ZNF493: variants seen among roughly 807,000 people sequenced by gnomAD.
ZNF493 encodes the protein zinc finger protein 493.
In ZNF493, 11 loss-of-function variants were observed where a neutral mutation model predicts 12.2. The observed-to-expected ratio is 0.90, with a 90% CI of 0.57 to 1.50. The LOEUF is 1.50. Ranked by LOEUF, ZNF493 falls within the 40% of genes most tolerant of loss-of-function variation. The probability of loss-of-function intolerance (pLI) is 0.00; values close to 1 mark genes in which losing one functional copy is unlikely to be tolerated. For synonymous variants in ZNF493, 286 were observed against 302.6 expected (o/e 0.95, Z 0.57); for missense variants, 950 against 906.6 (o/e 1.05, Z -0.61).
chr19:21,411,490 C>T (rs934160547), intron 3 of ZNF493, among the ~76,000 whole-genome samples: 5 of 151,998 alleles, frequency 3.3e-5, no homozygotes, highest in Non-Finnish European at 5.9e-5. Flanking sequence ...GAGGCTGAGG[C>T]GAGCAGATTG....
chr19:21,402,737 A>G (rs1322471455), intron 1 of ZNF493, among the ~76,000 whole-genome samples: 2 of 152,172 alleles, frequency 1.3e-5, no homozygotes, highest in Admixed American at 6.5e-5. Context: ...TTGTTTAGTG[A>G]CCTGCTACAG....
At position 21,425,746 on chromosome 19, in the gene ZNF493, A is replaced by G. The variant is rs2030839508; in HGVS notation, c.*762A>G. Reference sequence around the variant, plus strand: ...CAATTTTCAAACCTTACTAAACATAAGATAACTCATACTGGAGAAAAATCT... The same window carrying G: ...CAATTTTCAAACCTTACTAAACATAGGATAACTCATACTGGAGAAAAATCT... On this transcript the variant is annotated 3_prime_UTR_variant, in exon 4 of 4. Coordinates refer to ENST00000392288, the MANE Select transcript of ZNF493 (RefSeq NM_001076678.3). 1.6e-6 allele frequency: 1 copy of G among 618,856 alleles called. No individual in the cohort carries two copies. The highest frequency in any genetic ancestry group is 3.0e-6 in the Non-Finnish European group (1 of 334,918). The allele number at this position is 618,856 out of a possible 1,614,324, so 38.3% of individuals were successfully genotyped here.
At chr19:21,421,345 ATTG>A (rs1190668038) in intron 3 of ZNF493, among the ~76,000 whole-genome samples, 6 of 151,118 alleles carry the variant, frequency 4.0e-5, no homozygotes, top group Non-Finnish European at 1.5e-5. Context: ...TTCATTTTTT[ATTG>A]TTTCTTCCTC....
rs779509208 is a variant in ZNF493, at chr19:21,423,312, C to G, written c.653C>G (p.Ala218Gly). 6.2e-7 allele frequency: 1 copy of G among 1,613,826 alleles called. No homozygotes were observed. The highest frequency in any genetic ancestry group is 8.5e-7 in the Non-Finnish European group (1 of 1,179,876). ...NSYRCEECGK[A>G]FIWFSTLTRH... ...TACCGATGTGAAGAATGTGGCAAAG[C>G]CTTTATCTGGTTTTCAACCCTTACT... The change falls in exon 4 of 4, where the codon GCC becomes GGC. Residue 218 changes from alanine (A) to glycine (G), a missense_variant. Transcript: ENST00000392288.
At chr19:21,408,212 G>A in intron 3 of ZNF493, 1 of 854,206 alleles carries the variant, frequency 1.2e-6, no homozygotes, top group African/African-American at 2.1e-5. Flanking sequence ...CAAAACTTTT[G>A]CCTCCCTAGT....
chr19:21,410,502 C>T (rs983764935), intron 3 of ZNF493, among the ~76,000 whole-genome samples: 2 of 151,894 alleles, frequency 1.3e-5, no homozygotes, highest in African/African-American at 4.8e-5. Context: ...ATATGTGTAT[C>T]TTTTCTGATG....
Position 21,425,831 on chromosome 19 carries a change from T to C in ZNF493, c.*847T>C, listed in dbSNP as rs1212241902. The C allele has an allele frequency of 1.8e-6, 1 of 561,180 alleles. No individual in the cohort carries two copies. Among genetic ancestry groups the C allele is most frequent in the African/African-American group, 1.9e-5 (1 of 52,208 alleles). 34.8% of individuals were successfully genotyped at this position (561,180 alleles called of 1,614,324 possible). A position where few individuals can be genotyped will look rare whatever the true frequency, so the allele number is the denominator to read the frequency against. ...AGTCCTCAACTCCTAGTAAACATAA[T>C]TAATGATGGAGAGAAACCATACAAC... On this transcript the variant is annotated 3_prime_UTR_variant, in exon 4 of 4. Coordinates refer to ENST00000392288, the MANE Select transcript of ZNF493 (RefSeq NM_001076678.3).
intron 3 of ZNF493, among the ~76,000 whole-genome samples, chr19:21,417,978 GTAGC>G (rs1568381682): frequency 3.3e-5 from 5 of 152,318 alleles, no homozygotes; most frequent in African/African-American, 1.2e-4. Context: ...AGGCTCAAAT[GTAGC>G]TATAATATTT....
chr19:21,425,012 C>T lies in ZNF493; in HGVS notation c.*28C>T, dbSNP rs966301500. ...AATGTGGCAAAGGCCTTTACTGCTC[C>T]TATTCCCTTACTAAAGAATGTGGCA... is the stretch of plus-strand genomic sequence containing the variant. On this transcript the variant is annotated 3_prime_UTR_variant, in exon 4 of 4. Coordinates refer to ENST00000392288, the MANE Select transcript of ZNF493 (RefSeq NM_001076678.3). The T allele has an allele frequency of 6.4e-7, 1 of 1,570,156 alleles. No individual in the cohort carries two copies. The highest frequency in any genetic ancestry group is 8.6e-7 in the Non-Finnish European group (1 of 1,161,540).
Position 21,423,588 on chromosome 19 carries a change from G to T in ZNF493, c.929G>T (p.Gly310Val), listed in dbSNP as rs112511886. 1 of 1,612,540 alleles carries T rather than the reference G, an allele frequency of 6.2e-7. No individual in the cohort carries two copies. The highest frequency in any genetic ancestry group is 8.5e-7 in the Non-Finnish European group (1 of 1,179,550). ...KTFNQSSTLT[G>V]HKIIHNGEKP... ...TTTAACCAATCTTCAACCCTTACTG[G>T]ACATAAGATAATTCATAATGGAGAA... is the stretch of plus-strand genomic sequence containing the variant. Residue 310 changes from glycine (G) to valine (V), a missense_variant, in exon 4 of 4, where the codon GGA becomes GTA. Gly to Val is a moderately radical substitution (Grantham distance 109). Transcript: ENST00000392288.
In ZNF493 at chr19:21,408,978, G is replaced by A. The variant is rs184288771; in HGVS notation, c.253+3122G>A. 1.9e-4 allele frequency among the ~76,000 whole-genome samples: 28 copies of A among 150,718 alleles called. No homozygotes were observed. The East Asian group carries it at 4.1e-3, about 22-fold the overall frequency. On this transcript the variant is annotated intron_variant, in intron 3 of 3. Coordinates refer to ENST00000392288, the MANE Select transcript of ZNF493 (RefSeq NM_001076678.3). The stretch of plus-strand genomic sequence containing the variant: ...CGGCTCACTGCAACCTCCTCCTCCC[G>A]GGTTCACGTCATTCTCCTGCCTCAG...
At position 21,425,935 on chromosome 19, in the gene ZNF493, C is replaced by T. The variant is rs918325469; in HGVS notation, c.*951C>T. 7 of 686,782 alleles carry T rather than the reference C, an allele frequency of 1.0e-5. No individual in the cohort carries two copies. Among genetic ancestry groups the T allele is most frequent in the South Asian group, 9.5e-5 (7 of 73,668 alleles). 42.5% of individuals were successfully genotyped at this position (686,782 alleles called of 1,614,324 possible). A position where few individuals can be genotyped will look rare whatever the true frequency, so the allele number is the denominator to read the frequency against. ...TAATTCATACAGGAGAGAAACCCTA[C>T]AAATGTGAAGAATGTGACAAAGCCT... is the stretch of plus-strand genomic sequence containing the variant. On this transcript the variant is annotated 3_prime_UTR_variant, in exon 4 of 4. Transcript: ENST00000392288.
Position 21,426,057 on chromosome 19 carries a change from C to T in ZNF493, c.*1073C>T, listed in dbSNP as rs1298665538. On this transcript the variant is annotated 3_prime_UTR_variant, in exon 4 of 4. Coordinates refer to ENST00000392288, the MANE Select transcript of ZNF493 (RefSeq NM_001076678.3). ...TATGGCAAAGGCTTTAACTAGTCCT[C>T]AGTTCTTAACACACATACGATAATT... 1 of 398,266 alleles carries T rather than the reference C, an allele frequency of 2.5e-6. No homozygotes were observed. The highest frequency in any genetic ancestry group is 2.1e-5 in the African/African-American group (1 of 47,612). The allele number at this position is 398,266 out of a possible 1,614,324, so 24.7% of individuals were successfully genotyped here.
At position 21,413,543 on chromosome 19, in the gene ZNF493, C is replaced by T. The variant is rs137873962; in HGVS notation, c.253+7687C>T. 394 of 402,528 alleles carry T rather than the reference C, an allele frequency of 9.8e-4. 1 individual carries two copies. The highest frequency in any genetic ancestry group is 6.6e-3 in the African/African-American group (324 of 48,770). The allele number at this position is 402,528 out of a possible 1,614,324, so 24.9% of individuals were successfully genotyped here. ...TGTGTTCGACGTGTGTTGCTTGTGA[C>T]GCTTGGGGTTGTCCTCAGCATCAAT... On this transcript the variant is annotated intron_variant, in intron 3 of 3. Transcript: ENST00000392288.
At chr19:21,422,383 T>C (rs1301175882) in intron 3 of ZNF493, among the ~76,000 whole-genome samples, 1 of 106,836 alleles carries the variant, frequency 9.4e-6, no homozygotes, top group African/African-American at 2.9e-5. Context: ...TTACTAGTCT[T>C]TTTTTTTTTT....
chr19:21,407,333 G>T (rs1433758419), intron 3 of ZNF493: 1 of 151,908 alleles, frequency 6.6e-6, no homozygotes, highest in African/African-American at 2.4e-5. Flanking sequence ...CTATCGCCCA[G>T]GCAGGAGTGC....
intron 3 of ZNF493, among the ~76,000 whole-genome samples, chr19:21,410,028 CTTCT>C (rs1232742207): frequency 1.4e-5 from 2 of 141,572 alleles, no homozygotes; most frequent in South Asian, 2.2e-4. Context: ...ACAATATTTT[CTTCT>C]TTAAGACTGA....
At chr19:21,414,513 C>T (rs1296311426) in intron 3 of ZNF493, 2 of 152,112 alleles carry the variant, frequency 1.3e-5, no homozygotes, top group African/African-American at 4.8e-5. Flanking sequence ...ATGAGCGAGC[C>T]CTAATGTGAG....
At chr19:21,420,588 TG>T (rs2030627383) in intron 3 of ZNF493, among the ~76,000 whole-genome samples, 1 of 77,672 alleles carries the variant, frequency 1.3e-5, no homozygotes, top group African/African-American at 5.8e-5. Flanking sequence ...TATACTCACT[TG>T]ATTATATATA....
Sources: gnomAD v4.1 joint callset for allele counts (sites outside exome capture counted in the v4.1 genomes callset) on GRCh38, gnomAD v4.1.1 for gene constraint, MANE v1.5 for transcripts, NCBI Gene and HGNC (gene_info 2026-07-23, HGNC 2026-07-21) for gene names.